Variants in FGFR1 observed in about 807,000 individuals in gnomAD.
FGFR1 encodes fibroblast growth factor receptor 1.
FGFR1 carries 18 observed loss-of-function variants against 93.7 expected under a neutral mutation model. The observed-to-expected ratio is 0.19, with a 90% confidence interval of 0.13 to 0.28. The LOEUF (loss-of-function observed/expected upper bound fraction) is 0.28. Among genes scored for constraint, FGFR1 ranks in the 10% least tolerant of loss-of-function variants. The pLI is 1.00. For missense variants in FGFR1, 731 were observed against 1,080.4 expected (o/e 0.68, Z 4.53); for synonymous variants, 448 against 429.3 (o/e 1.04, Z -0.54).
At position 38,413,821 on chromosome 8, in the gene FGFR1, G is replaced by A. The variant is rs1815241849; in HGVS notation, c.2293-17C>T. Reference sequence around the variant, plus strand: ...CAGGTACTCCTGTGATGGGCGAGAGGAAGCAGCGATGGGCCGGGCCCCTCC... The same window carrying A: ...CAGGTACTCCTGTGATGGGCGAGAGAAAGCAGCGATGGGCCGGGCCCCTCC... On this transcript the variant is annotated splice_polypyrimidine_tract_variant and intron_variant, in intron 17 of 17. Coordinates refer to ENST00000447712, the MANE Select transcript of FGFR1 (RefSeq NM_023110.3). This position sits in a 1 kb window ranked among gnomAD's most constrained non-coding sequence, Gnocchi z 4.2. The A allele has an allele frequency of 6.2e-7, 1 of 1,613,874 alleles. No homozygotes were observed.
Position 38,428,327 on chromosome 8 carries a change from A to G in FGFR1, c.448+19T>C, listed in dbSNP as rs752187185. 6.2e-7 allele frequency: 1 copy of G among 1,611,886 alleles called. No homozygotes were observed. The highest frequency in any genetic ancestry group is 8.5e-7 in the Non-Finnish European group (1 of 1,178,012). On this transcript the variant is annotated intron_variant, in intron 4 of 17. Coordinates refer to ENST00000447712, the MANE Select transcript of FGFR1 (RefSeq NM_023110.3). ...ATGCCCAGACCCAAAGGGCAGTAAG[A>G]TAGGAAACAGTGTCTCACGCATACG...
At chr8:38,440,709 CTG>C (rs1827131779) in intron 2 of FGFR1, among the ~76,000 whole-genome samples, 2 of 152,050 alleles carry the variant, frequency 1.3e-5, no homozygotes, top group East Asian at 1.9e-4. Flanking sequence ...GTGCAAACTG[CTG>C]TGTTTGCCAG....
At chr8:38,458,938 T>C (rs17175736) in intron 1 of FGFR1, 2 of 218,338 alleles carry the variant, frequency 9.2e-6, no homozygotes, top group Admixed American at 1.2e-4. Flanking sequence ...AGTCCAGAAG[T>C]TGCGGGGGGC....
intron 12 of FGFR1, among the ~76,000 whole-genome samples, chr8:38,416,616 C>T (rs536577915): frequency 1.4e-4 from 22 of 151,890 alleles, no homozygotes; most frequent in South Asian, 1.0e-3. Flanking sequence ...CCACCACGCC[C>T]GGCTACTTTT....
chr8:38,422,582 T>G (rs1013193604), intron 7 of FGFR1, among the ~76,000 whole-genome samples: 1 of 152,158 alleles, frequency 6.6e-6, no homozygotes, highest in African/African-American at 2.4e-5. Flanking sequence ...TTATTTAATT[T>G]GTAGAGATGG....
chr8:38,465,115 G>C (rs1053576242), intron 1 of FGFR1, among the ~76,000 whole-genome samples: 2 of 152,182 alleles, frequency 1.3e-5, no homozygotes, highest in Admixed American at 6.5e-5. Flanking sequence ...ATGCACCGAT[G>C]TATCTAATCC....
chr8:38,440,289 TG>T (rs750195765), intron 2 of FGFR1: 1 of 1,601,722 alleles, frequency 6.2e-7, no homozygotes, highest in East Asian at 2.2e-5. Context: ...GGCTTTGAAA[TG>T]GAACTGAAAA....
At position 38,426,281 on chromosome 8, in the gene FGFR1, C is replaced by T. The variant is rs1290008686; in HGVS notation, c.622-36G>A. On this transcript the variant is annotated intron_variant, in intron 5 of 17. Coordinates refer to ENST00000447712, the MANE Select transcript of FGFR1 (RefSeq NM_023110.3). The surrounding 1 kb of genome is among the most constrained non-coding windows in gnomAD (Gnocchi z 4.1). ...ATGCCAAAGGGATACATTGAGGGTC[C>T]AGAGGAAAATGCAGGCCCCATGACA... 3 of 1,613,248 alleles carry T rather than the reference C, an allele frequency of 1.9e-6. No homozygotes were observed. The highest frequency in any genetic ancestry group is 1.7e-6 in the Non-Finnish European group (2 of 1,179,850).
chr8:38,426,449 G>T lies in FGFR1; in HGVS notation c.622-204C>A, dbSNP rs1174010094. Reference sequence around the variant, plus strand: ...TGCAAGCTGGCAGATGGGGTGTAAAGACTCCAGAAGTCTCCACTGTGACGT... The same window carrying T: ...TGCAAGCTGGCAGATGGGGTGTAAATACTCCAGAAGTCTCCACTGTGACGT... On this transcript the variant is annotated intron_variant, in intron 5 of 17. Transcript: ENST00000447712. This position sits in a 1 kb window ranked among gnomAD's most constrained non-coding sequence, Gnocchi z 4.1. 6.6e-6 allele frequency among the ~76,000 whole-genome samples: 1 copy of T among 152,172 alleles called. No individual in the cohort carries two copies. The highest frequency in any genetic ancestry group is 2.4e-5 in the African/African-American group (1 of 41,442).
intron 2 of FGFR1, chr8:38,440,272 G>C: frequency 6.3e-7 from 1 of 1,580,524 alleles, no homozygotes; most frequent in South Asian, 1.1e-5. Context: ...TTTTTATTAC[G>C]TATTTTGGCT....
At position 38,429,903 on chromosome 8, in the gene FGFR1, T is replaced by C. The variant is rs1586381054; in HGVS notation, c.137A>G (p.His46Arg). ...APVEVESFLVHPGDLLQLRCR... is the reference protein window; with the variant it reads ...APVEVESFLVRPGDLLQLRCR... The stretch of plus-strand genomic sequence containing the variant: ...GCGAAGCTGCAGCAGGTCACCGGGG[T>C]GGACCAGGAAGGACTCCACTTCCAC... Residue 46 changes from histidine to arginine, a missense_variant, in exon 3 of 18, where the codon CAC (histidine) becomes CGC (arginine). His to Arg is a conservative substitution (Grantham distance 29). Around this residue, in one of 10 missense-constraint regions of FGFR1, gnomAD observed 212 missense variants for 205.8 expected, o/e 1.03. Coordinates refer to ENST00000447712, the MANE Select transcript of FGFR1 (RefSeq NM_023110.3). The surrounding 1 kb of genome is among the most constrained non-coding windows in gnomAD (Gnocchi z 4.4). 6.2e-7 allele frequency: 1 copy of C among 1,613,552 alleles called. No individual in the cohort carries two copies. Among genetic ancestry groups the C allele is most frequent in the Non-Finnish European group, 8.5e-7 (1 of 1,179,886 alleles).
Position 38,457,419 on chromosome 8 carries a change from A to G in FGFR1, c.28T>C (p.Trp10Arg), listed in dbSNP as rs1285368969. ...AGTGTGGCTGTGACCAGCACAGCCC[A>G]GAAGAGGAGGCACTTCCAGCTCCAC... MWSWKCLLF[W>R]AVLVTATLCT... Residue 10 changes from tryptophan to arginine, a missense_variant, in exon 2 of 18, where the codon TGG becomes CGG. By Grantham distance (101) the Trp-to-Arg change is moderately radical (BLOSUM62 -3). Transcript: ENST00000447712. The G allele has an allele frequency of 1.7e-5, 28 of 1,613,988 alleles. No homozygotes were observed. The highest frequency in any genetic ancestry group is 2.4e-5 in the Non-Finnish European group (28 of 1,180,038).
intron 8 of FGFR1, among the ~76,000 whole-genome samples, chr8:38,421,384 T>C (rs1249307653): frequency 1.3e-5 from 2 of 152,212 alleles, no homozygotes; most frequent in African/African-American, 4.8e-5. Context: ...GCCCCACCCC[T>C]GGGCTGAGCA....
intron 1 of FGFR1, chr8:38,460,971 C>A: frequency 7.9e-7 from 1 of 1,258,930 alleles, no homozygotes; most frequent in Non-Finnish European, 1.1e-6. Context: ...TGGTTCCCCC[C>A]GCCCCGTCTC....
chr8:38,465,901 A>G (rs894798810), intron 1 of FGFR1: 97 of 225,220 alleles, frequency 4.3e-4, no homozygotes, highest in African/African-American at 2.0e-3. Context: ...CACCTTAATT[A>G]CCACGTCTAG....
chr8:38,422,305 G>A, intron 7 of FGFR1: 1 of 452,700 alleles, frequency 2.2e-6, no homozygotes, highest in East Asian at 3.9e-5. Flanking sequence ...GAACACAGGA[G>A]GGATGGCGGG....
At chr8:38,417,458 G>A (rs762784145) in intron 11 of FGFR1, 42 bp from the exon 12 acceptor site, 9 of 1,556,680 alleles carry the variant, frequency 5.8e-6, no homozygotes, top group East Asian at 2.2e-5. Context: ...GGGAAGGGAG[G>A]AGGGCAGGAT....
intron 1 of FGFR1, among the ~76,000 whole-genome samples, chr8:38,461,584 C>T (rs904415830): frequency 1.3e-5 from 2 of 152,218 alleles, no homozygotes; most frequent in African/African-American, 4.8e-5. Context: ...GCTGGGATTA[C>T]AGGCATGAGC....
intron 2 of FGFR1, among the ~76,000 whole-genome samples, chr8:38,438,487 G>A (rs1282770131): frequency 6.8e-6 from 1 of 146,006 alleles, no homozygotes; most frequent in African/African-American, 2.6e-5. Context: ...AGGTTGCAGT[G>A]AACCGAAATC....
Sources: allele counts gnomAD v4.1 joint callset (sites outside exome capture counted in the v4.1 genomes callset), GRCh38; gene constraint gnomAD v4.1.1; regional missense constraint gnomAD v4.1.1; non-coding constraint Gnocchi (gnomAD v3.1); transcripts MANE v1.5; gene names NCBI Gene and HGNC (gene_info 2026-07-23, HGNC 2026-07-21).